The following COL10A1 variants were observed in gnomAD, a reference collection of about 807,000 sequenced individuals.
The protein encoded by COL10A1 is collagen type X alpha 1 chain, also known as collagen alpha-1(X) chain.
A neutral mutation model predicts 18.2 loss-of-function variants in COL10A1; 10 were observed. The observed-to-expected ratio is 0.55, with a 90% confidence interval of 0.34 to 0.93. The LOEUF is 0.93. COL10A1 is among the 40% of genes least tolerant of loss of function. The pLI, the probability that COL10A1 is intolerant of heterozygous loss-of-function variation, is 0.02. For synonymous variants in COL10A1, 330 were observed against 316.6 expected, an observed-to-expected ratio of 1.04 and a Z score of -0.45; for missense variants, 897 against 853.5, an observed-to-expected ratio of 1.05 and a Z score of -0.64.
the COL10A1 span, among the ~76,000 whole-genome samples, chr6:116,186,096 TA>T: frequency 6.6e-6 from 1 of 152,080 alleles, no homozygotes; most frequent in Non-Finnish European, 1.5e-5. Context: ...TTTGTTTGTC[TA>T]AAAAAGACTG....
At position 116,121,402 on chromosome 6, in the gene COL10A1, A is replaced by T; in HGVS notation, c.714T>A (p.Gly238=). ...CAATTGGTCCCATTTCTCCCGGAAA[A>T]CCTCTATCACCTTTGATGCCTGGCT... is the stretch of plus-strand genomic sequence containing the variant. ...PGQPGIKGDR[G]FPGEMGPIGP... Residue 238 remains glycine (G), a synonymous_variant, in exon 3 of 3, where the codon GGT becomes GGA. Transcript: ENST00000651968. 6.2e-7 allele frequency: 1 copy of T among 1,613,374 alleles called. No homozygotes were observed. Among genetic ancestry groups the T allele is most frequent in the Non-Finnish European group, 8.5e-7 (1 of 1,179,776 alleles).
At chr6:116,174,321 A>G in the COL10A1 span, among the ~76,000 whole-genome samples, 3 of 152,322 alleles carry the variant, frequency 2.0e-5, no homozygotes, top group East Asian at 5.8e-4. Flanking sequence ...AGAAAAAAAT[A>G]TACTTATTTG....
the COL10A1 span, among the ~76,000 whole-genome samples, chr6:116,189,251 C>A: frequency 6.6e-6 from 1 of 151,502 alleles, no homozygotes; most frequent in Non-Finnish European, 1.5e-5. Context: ...GTACTTTTTT[C>A]TCTTGTAAAC....
chr6:116,140,080 A>G (rs927148332), intron 1 of COL10A1, among the ~76,000 whole-genome samples: 1 of 152,198 alleles, frequency 6.6e-6, no homozygotes, highest in Non-Finnish European at 1.5e-5. Flanking sequence ...CCACAGGTTC[A>G]TAAAGCCAGT....
chr6:116,197,622 G>A, the COL10A1 span, among the ~76,000 whole-genome samples: 2 of 152,174 alleles, frequency 1.3e-5, no homozygotes, highest in Admixed American at 6.5e-5. Flanking sequence ...TAGACTGTTA[G>A]AGATTCAAAT....
chr6:116,153,168 CAT>C (rs1307354661), intron 1 of COL10A1, among the ~76,000 whole-genome samples: 1 of 151,676 alleles, frequency 6.6e-6, no homozygotes, highest in African/African-American at 2.4e-5. Context: ...AAATATACAA[CAT>C]AATTTTTGAG....
intron 1 of COL10A1, 101 bp downstream of exon 1, chr6:116,125,952 C>A (rs78594129): frequency 0.027 from 4,268 of 157,990 alleles, 105 homozygotes; most frequent in Non-Finnish European, 0.039. Flanking sequence ...TTTTAAATCA[C>A]TTTAATACTT....
Position 116,125,333 on chromosome 6 carries a change from A to G in COL10A1, c.154+6T>C, listed in dbSNP as rs191911355. 454 of 1,613,184 alleles carry G rather than the reference A, an allele frequency of 2.8e-4. No individual in the cohort carries two copies. The highest frequency in any genetic ancestry group is 1.4e-4 in the Non-Finnish European group (169 of 1,179,468). On this transcript the variant is annotated splice_donor_region_variant and intron_variant, in intron 2 of 2. Transcript: ENST00000651968. ...TTAATAGAACAAAATATACAATTCA[A>G]TTTACCTTTACTCTTTATGGTGTAG...
intron 1 of COL10A1, among the ~76,000 whole-genome samples, chr6:116,157,734 A>C (rs1169206915): frequency 6.6e-6 from 1 of 152,156 alleles, no homozygotes; most frequent in African/African-American, 2.4e-5. Context: ...AAATGGTGAG[A>C]GTGGGTGGAA....
At chr6:116,197,843 G>A in the COL10A1 span, among the ~76,000 whole-genome samples, 6 of 152,016 alleles carry the variant, frequency 3.9e-5, no homozygotes, top group South Asian at 2.1e-4. Flanking sequence ...ATTGAGAAGC[G>A]TTTACATGTA....
At chr6:116,141,758 TG>T (rs1265751439) in intron 1 of COL10A1, among the ~76,000 whole-genome samples, 6 of 151,402 alleles carry the variant, frequency 4.0e-5, no homozygotes, top group Admixed American at 1.3e-4. Context: ...TTTCTTCTTT[TG>T]TTTTTTTTTT....
chr6:116,130,407 C>A (rs1779429984), upstream of COL10A1, among the ~76,000 whole-genome samples: 1 of 152,100 alleles, frequency 6.6e-6, no homozygotes, highest in Admixed American at 6.6e-5. Flanking sequence ...AGCCTCTCCT[C>A]TACCAGTTGG....
In COL10A1 at chr6:116,120,149, T is replaced by C. The variant is rs866412968; in HGVS notation, c.1967A>G (p.Asn656Ser). 1.2e-6 allele frequency: 2 copies of C among 1,614,080 alleles called. No homozygotes were observed. The highest frequency in any genetic ancestry group is 1.6e-4 in the Middle Eastern group (1 of 6,062). The change falls in exon 3 of 3, where the codon AAT becomes AGT. Residue 656 changes from asparagine to serine, a missense_variant. By Grantham distance (46) the Asn-to-Ser change is conservative. Transcript: ENST00000651968. ...GGAGTATAGGCCATTTGACTCGGCA[T>C]TGGGAAGCTGGAGCCACACCTGGTC... Reference protein sequence around the residue: ...ENDQVWLQLPNAESNGLYSSE... With the variant: ...ENDQVWLQLPSAESNGLYSSE...
In COL10A1 at chr6:116,121,963, TA is replaced by T; in HGVS notation, c.155-3del. 6.2e-7 allele frequency: 1 copy of T among 1,611,028 alleles called. No individual in the cohort carries two copies. ...CTTGCTCTCCTCTTACTGCTATACC[TA>T]AAAGACACACCCAACACACCCACCC... On this transcript the variant is annotated splice_polypyrimidine_tract_variant and splice_region_variant and intron_variant, in intron 2 of 2. Coordinates refer to ENST00000651968, the MANE Select transcript of COL10A1 (RefSeq NM_000493.4).
upstream of COL10A1, among the ~76,000 whole-genome samples, chr6:116,160,423 A>G (rs887154547): frequency 6.6e-6 from 1 of 151,876 alleles, no homozygotes; most frequent in Non-Finnish European, 1.5e-5. Flanking sequence ...TATTTTGAGA[A>G]GTGTCTGTTC....
At chr6:116,182,463 C>G in the COL10A1 span, among the ~76,000 whole-genome samples, 2 of 152,104 alleles carry the variant, frequency 1.3e-5, no homozygotes, top group Admixed American at 6.6e-5. Context: ...AATCTCCACA[C>G]TGTTTTCCAT....
the COL10A1 span, among the ~76,000 whole-genome samples, chr6:116,178,088 T>TGTGTGCGCGC: frequency 1.0e-5 from 1 of 99,622 alleles, no homozygotes; most frequent in African/African-American, 4.7e-5. Flanking sequence ...TGTGTGTGTG[T>TGTGTGCGCGC]GCGCGCGCGC....
the COL10A1 span, among the ~76,000 whole-genome samples, chr6:116,193,344 A>C: frequency 6.6e-6 from 1 of 152,210 alleles, no homozygotes; most frequent in Middle Eastern, 3.4e-3. Context: ...TTTTACTTTT[A>C]AACAAAAGGC....
At chr6:116,204,638 T>C in the COL10A1 span, among the ~76,000 whole-genome samples, 1 of 151,996 alleles carries the variant, frequency 6.6e-6, no homozygotes, top group Non-Finnish European at 1.5e-5. Flanking sequence ...GAAGTACTCA[T>C]ATGTATACAT....
Sources: allele counts gnomAD v4.1 joint callset (sites outside exome capture counted in the v4.1 genomes callset), GRCh38; gene constraint gnomAD v4.1.1; transcripts MANE v1.5; gene names NCBI Gene and HGNC (gene_info 2026-07-23, HGNC 2026-07-21).